Variants in STAG1 observed in about 807,000 individuals in gnomAD.
STAG1 encodes STAG1 cohesin complex component, also known as cohesin subunit SA-1.
In STAG1, 26 loss-of-function variants were observed where a neutral mutation model predicts 170.9. The ratio of observed to expected loss-of-function variants is 0.15; its 90% CI spans 0.11 to 0.21. STAG1 has a LOEUF of 0.21. Ranked by LOEUF, STAG1 falls within the 10% of genes least tolerant of loss-of-function variation. STAG1 has a pLI of 1.00. For missense variants in STAG1, 964 were observed against 1,509.5 expected (o/e 0.64, Z 5.99); for synonymous variants, 514 against 497.7 (o/e 1.03, Z -0.44).
chr3:136,720,788 CAAAAAAAAAAGAAAAAG>C (rs1239375008), intron 1 of STAG1, among the ~76,000 whole-genome samples: 2 of 144,216 alleles, frequency 1.4e-5, no homozygotes, highest in Non-Finnish European at 3.0e-5. Flanking sequence ...GATTCCATCT[CAAAAAAAAAAGAAAAAG>C]AAAAAGAAAA....
At chr3:136,591,487 A>G in intron 4 of STAG1, 1 of 396,892 alleles carries the variant, frequency 2.5e-6, no homozygotes, top group Non-Finnish European at 5.0e-6. Flanking sequence ...GGGGAGGATC[A>G]CTTGGGCCCA....
intron 28 of STAG1, among the ~76,000 whole-genome samples, chr3:136,353,588 C>T (rs142026384): frequency 1.0e-3 from 159 of 152,276 alleles, no homozygotes; most frequent in Admixed American, 8.9e-3. Context: ...AAGTAAAAAA[C>T]TATCAAACGA....
At chr3:136,498,962 G>C (rs1196369158) in intron 9 of STAG1, among the ~76,000 whole-genome samples, 1 of 152,118 alleles carries the variant, frequency 6.6e-6, no homozygotes, top group Non-Finnish European at 1.5e-5. Context: ...ATACACAGGG[G>C]ATTGCTTCTC....
At position 136,733,043 on chromosome 3, in the gene STAG1, A is replaced by C. The variant is rs149828670; in HGVS notation, c.-84+19152T>G. 6.6e-5 allele frequency among the ~76,000 whole-genome samples: 10 copies of C among 150,982 alleles called. No individual in the cohort carries two copies. The East Asian group carries it at 2.0e-3, about 30-fold the overall frequency. The stretch of plus-strand genomic sequence containing the variant: ...GTCTTTTAAGATAAATGATCTTTGG[A>C]TCTATGCACAACACAATATAGTCTA... On this transcript the variant is annotated intron_variant, in intron 1 of 33. Transcript: ENST00000383202.
intron 6 of STAG1, among the ~76,000 whole-genome samples, chr3:136,540,296 A>C (rs1935828021): frequency 6.6e-6 from 1 of 151,928 alleles, no homozygotes; most frequent in Admixed American, 6.6e-5. Flanking sequence ...TCATATCATA[A>C]TCAAACTGTG....
intron 28 of STAG1, among the ~76,000 whole-genome samples, chr3:136,350,267 T>C (rs1292296999): frequency 6.6e-6 from 1 of 152,194 alleles, no homozygotes; most frequent in African/African-American, 2.4e-5. Context: ...TTAGAAACTC[T>C]ATCTAGTCCA....
rs531452865 is a variant in STAG1 at position 136,356,928 on chromosome 3, T to A, written c.3065+792A>T. 4.7e-4 allele frequency among the ~76,000 whole-genome samples: 71 copies of A among 150,816 alleles called. No individual in the cohort carries two copies. In the East Asian group the frequency reaches 6.8e-3, roughly 14 times the overall value. ...CCACCATGCCTAGCTAATTTTTTTT[T>A]ATTTTTTTTAAATTTTTTATTTTAT... On this transcript the variant is annotated intron_variant, in intron 28 of 33. Transcript: ENST00000383202.
intron 1 of STAG1, among the ~76,000 whole-genome samples, chr3:136,698,292 T>C (rs1204934790): frequency 1.3e-5 from 2 of 151,884 alleles, no homozygotes; most frequent in Non-Finnish European, 2.9e-5. Flanking sequence ...TACAAGGAAC[T>C]CAAATCAGCA....
rs1011575389 is a variant in STAG1 at position 136,599,841 on chromosome 3, A to G, written c.297+4468T>C. Among the ~76,000 whole-genome samples the G allele has an allele frequency of 2.0e-5, 3 of 152,308 alleles. No homozygotes were observed. The South Asian group carries it at 6.2e-4, about 32-fold the overall frequency. On this transcript the variant is annotated intron_variant, in intron 4 of 33. Transcript: ENST00000383202. Reference sequence around the variant, plus strand: ...TCTTGTTTCATCTTCCTTATTTTGTATAAGACAGAATTTCTTCTTTCATCC... The same window carrying G: ...TCTTGTTTCATCTTCCTTATTTTGTGTAAGACAGAATTTCTTCTTTCATCC...
intron 7 of STAG1, among the ~76,000 whole-genome samples, chr3:136,516,390 C>T (rs967608838): frequency 1.3e-5 from 2 of 152,022 alleles, no homozygotes; most frequent in African/African-American, 2.4e-5. Flanking sequence ...CACCTGTGGT[C>T]CCAGCTACTC....
At chr3:136,470,869 A>C (rs567492449) in intron 12 of STAG1, among the ~76,000 whole-genome samples, 1 of 152,036 alleles carries the variant, frequency 6.6e-6, no homozygotes, top group African/African-American at 2.4e-5. Context: ...CATTCTCAGG[A>C]AACTATCACA....
At chr3:136,472,046 A>C (rs1029656523) in intron 12 of STAG1, among the ~76,000 whole-genome samples, 1 of 152,070 alleles carries the variant, frequency 6.6e-6, no homozygotes, top group African/African-American at 2.4e-5. Context: ...CCTTTTGCCC[A>C]GGCTGGTCTT....
At chr3:136,489,126 A>G (rs1180970026) in intron 9 of STAG1, among the ~76,000 whole-genome samples, 1 of 152,238 alleles carries the variant, frequency 6.6e-6, no homozygotes, top group Non-Finnish European at 1.5e-5. Flanking sequence ...AAGGAACTAG[A>G]AAAGAATAAT....
chr3:136,338,153 C>G lies in STAG1; in HGVS notation c.*101G>C. Reference sequence around the variant, plus strand: ...TTAATCATTTGATTAAAAAACAAATCAGATCACATCAAAAGTGTTTTTCCC... The same window carrying G: ...TTAATCATTTGATTAAAAAACAAATGAGATCACATCAAAAGTGTTTTTCCC... On this transcript the variant is annotated 3_prime_UTR_variant, in exon 34 of 34. Transcript: ENST00000383202. 1 of 773,362 alleles carries G rather than the reference C, an allele frequency of 1.3e-6. No homozygotes were observed. Among genetic ancestry groups the G allele is most frequent in the South Asian group, 1.6e-5 (1 of 61,406 alleles). The allele number at this position is 773,362 out of a possible 1,614,324, so 47.9% of individuals were successfully genotyped here.
intron 1 of STAG1, among the ~76,000 whole-genome samples, chr3:136,652,442 G>T (rs528753685): frequency 5.3e-5 from 8 of 152,302 alleles, no homozygotes; most frequent in Admixed American, 1.3e-4. Flanking sequence ...CTCCTATATT[G>T]TTTGGTGTTA....
chr3:136,703,066 C>CAA (rs1157305676), intron 1 of STAG1, among the ~76,000 whole-genome samples: 19 of 75,700 alleles, frequency 2.5e-4, no homozygotes, highest in Admixed American at 9.9e-4. Context: ...GACTCCATCT[C>CAA]AAAAAAAAAA....
chr3:136,671,931 T>C (rs914725739), intron 1 of STAG1, among the ~76,000 whole-genome samples: 4 of 152,168 alleles, frequency 2.6e-5, no homozygotes, highest in African/African-American at 9.7e-5. Context: ...CATTCACTAA[T>C]GTAAGTGTAG....
At chr3:136,562,964 C>G (rs1448424917) in intron 5 of STAG1, among the ~76,000 whole-genome samples, 2 of 152,152 alleles carry the variant, frequency 1.3e-5, no homozygotes, top group Admixed American at 1.3e-4. Flanking sequence ...TCAATTCAAG[C>G]TTGTCTTATG....
At chr3:136,548,428 T>C (rs1936249691) in intron 5 of STAG1, among the ~76,000 whole-genome samples, 1 of 152,206 alleles carries the variant, frequency 6.6e-6, no homozygotes, top group Non-Finnish European at 1.5e-5. Flanking sequence ...TTTTAACTAC[T>C]GTACTTTTGT....
Sources: gnomAD v4.1 joint callset for allele counts (sites outside exome capture counted in the v4.1 genomes callset) on GRCh38, gnomAD v4.1.1 for gene constraint, MANE v1.5 for transcripts, NCBI Gene and HGNC (gene_info 2026-07-23, HGNC 2026-07-21) for gene names.